Variants in MAGI2 observed in about 807,000 individuals in gnomAD.
MAGI2 encodes the protein membrane associated guanylate kinase, WW and PDZ domain containing 2.
MAGI2 carries 35 observed loss-of-function variants against 133.3 expected under a neutral mutation model. The ratio of observed to expected loss-of-function variants is 0.26; its 90% CI spans 0.20 to 0.35. MAGI2 has a LOEUF of 0.35. Ranked by LOEUF, MAGI2 falls within the 10% of genes least tolerant of loss-of-function variation. The pLI is 1.00. For missense variants in MAGI2, 1,636 were observed against 1,863.4 expected (o/e 0.88, Z 2.25); for synonymous variants, 729 against 710.6 (o/e 1.03, Z -0.41).
intron 1 of MAGI2, among the ~76,000 whole-genome samples, chr7:79,304,350 T>G (rs982016301): frequency 6.6e-6 from 1 of 151,250 alleles, no homozygotes; most frequent in Non-Finnish European, 1.5e-5. Context: ...CGGGATAGAG[T>G]ATTTGTATTA....
chr7:79,132,956 G>A (rs1040689690), intron 1 of MAGI2, among the ~76,000 whole-genome samples: 11 of 151,972 alleles, frequency 7.2e-5, no homozygotes, highest in African/African-American at 2.7e-4. Context: ...ATTCTTTTGC[G>A]AAATGTTCAT....
intron 1 of MAGI2, among the ~76,000 whole-genome samples, chr7:79,194,585 C>T (rs146703025): frequency 6.6e-6 from 1 of 151,912 alleles, no homozygotes; most frequent in Non-Finnish European, 1.5e-5. Flanking sequence ...TTCTTTACTA[C>T]ATTGAATCTA....
At chr7:79,225,092 A>T (rs746257114) in intron 1 of MAGI2, among the ~76,000 whole-genome samples, 1 of 152,118 alleles carries the variant, frequency 6.6e-6, no homozygotes, top group Non-Finnish European at 1.5e-5. Flanking sequence ...TAAGACCTCA[A>T]CCTTAAGTAT....
rs568125293 is a variant in MAGI2 at position 78,020,075 on chromosome 7, C to G, written c.3707-99G>C. On this transcript the variant is annotated intron_variant, in intron 21 of 21. Coordinates refer to ENST00000354212, the MANE Select transcript of MAGI2 (RefSeq NM_012301.4). Reference sequence around the variant, plus strand: ...GGGGCAGGCAGCTGGGGCGATTGCTCTCAGGGGCCGGAGCCACCGCCGCCC... The same window carrying G: ...GGGGCAGGCAGCTGGGGCGATTGCTGTCAGGGGCCGGAGCCACCGCCGCCC... The G allele has an allele frequency of 4.5e-6, 5 of 1,116,636 alleles. No individual in the cohort carries two copies. In the African/African-American group the frequency reaches 4.9e-5, roughly 11 times the overall value. The allele number at this position is 1,116,636 out of a possible 1,614,324, so 69.2% of individuals were successfully genotyped here.
chr7:78,990,564 G>C lies in MAGI2; in HGVS notation c.418+16526C>G, dbSNP rs113294198. On this transcript the variant is annotated intron_variant, in intron 2 of 21. Transcript: ENST00000354212. Reference sequence around the variant, plus strand: ...CTGGTTTCTAAAGCAACTTAAAATGGTTGCCTTTTCCCTGGAGGTTTTTCT... The same window carrying C: ...CTGGTTTCTAAAGCAACTTAAAATGCTTGCCTTTTCCCTGGAGGTTTTTCT... Among the ~76,000 whole-genome samples, 448 of 151,988 alleles carry C rather than the reference G, an allele frequency of 2.9e-3. 2 individuals carry two copies. Among genetic ancestry groups the C allele is most frequent in the African/African-American group, 0.01 (419 of 41,480 alleles).
intron 2 of MAGI2, among the ~76,000 whole-genome samples, chr7:78,632,820 T>C (rs919252616): frequency 2.0e-5 from 3 of 152,224 alleles, no homozygotes; most frequent in Non-Finnish European, 2.9e-5. Flanking sequence ...TCAGCCATTG[T>C]GGAAAGCAGT....
At chr7:78,240,433 C>G (rs1279982747) in intron 10 of MAGI2, among the ~76,000 whole-genome samples, 2 of 152,042 alleles carry the variant, frequency 1.3e-5, no homozygotes, top group African/African-American at 4.8e-5. Context: ...TGTGTTATAT[C>G]TATATAATGG....
intron 2 of MAGI2, among the ~76,000 whole-genome samples, chr7:78,659,126 A>G (rs1013619905): frequency 6.6e-6 from 1 of 152,118 alleles, no homozygotes; most frequent in Non-Finnish European, 1.5e-5. Context: ...TGAAATACTA[A>G]TTAGCAATGA....
At chr7:79,277,664 T>C (rs1835332917) in intron 1 of MAGI2, among the ~76,000 whole-genome samples, 1 of 152,160 alleles carries the variant, frequency 6.6e-6, no homozygotes, top group African/African-American at 2.4e-5. Flanking sequence ...CAAGAATGCA[T>C]TAACAGGCCC....
At chr7:78,583,874 T>C (rs1411566524) in intron 3 of MAGI2, among the ~76,000 whole-genome samples, 1 of 152,138 alleles carries the variant, frequency 6.6e-6, no homozygotes, top group East Asian at 1.9e-4. Flanking sequence ...GGTAATTGAG[T>C]CCTTATAATG....
chr7:79,110,029 C>T (rs1285787306), intron 1 of MAGI2, among the ~76,000 whole-genome samples: 2 of 152,194 alleles, frequency 1.3e-5, no homozygotes, highest in Admixed American at 1.3e-4. Context: ...GCTCCAGATA[C>T]AGCTTAGGCC....
intron 1 of MAGI2, among the ~76,000 whole-genome samples, chr7:79,329,348 A>C (rs1839908374): frequency 6.6e-6 from 1 of 152,264 alleles, no homozygotes; most frequent in South Asian, 2.1e-4. Flanking sequence ...ACATTGTAAC[A>C]CGTAATAATT....
At chr7:79,226,662 C>A (rs188502240) in intron 1 of MAGI2, among the ~76,000 whole-genome samples, 314 of 152,142 alleles carry the variant, frequency 2.1e-3, no homozygotes, top group African/African-American at 7.2e-3. Context: ...TCTCTTCCAC[C>A]CTTCCTTCCT....
At chr7:79,089,049 C>G (rs1816800994) in intron 1 of MAGI2, among the ~76,000 whole-genome samples, 1 of 152,030 alleles carries the variant, frequency 6.6e-6, no homozygotes, top group Non-Finnish European at 1.5e-5. Context: ...TCCAATCTAT[C>G]CATCTGACAG....
At chr7:78,142,857 C>A (rs926642430) in intron 16 of MAGI2, among the ~76,000 whole-genome samples, 1 of 152,142 alleles carries the variant, frequency 6.6e-6, no homozygotes, top group African/African-American at 2.4e-5. Context: ...AGATACACCT[C>A]TTTTCTTCCG....
At chr7:78,833,352 C>CTA (rs1791353729) in intron 2 of MAGI2, among the ~76,000 whole-genome samples, 1 of 152,154 alleles carries the variant, frequency 6.6e-6, no homozygotes, top group Non-Finnish European at 1.5e-5. Context: ...CCTGCCCTCA[C>CTA]TAAACTTAAT....
At chr7:78,985,795 TAAGTCATGGCAGAATA>T (rs1805203181) in intron 2 of MAGI2, among the ~76,000 whole-genome samples, 1 of 152,096 alleles carries the variant, frequency 6.6e-6, no homozygotes, top group African/African-American at 2.4e-5. Flanking sequence ...ATTCATCTTT[TAAGTCATGGCAGAATA>T]ATTAGGAGAG....
chr7:78,077,471 A>G (rs1815448854), intron 21 of MAGI2, among the ~76,000 whole-genome samples: 1 of 148,260 alleles, frequency 6.7e-6, no homozygotes, highest in African/African-American at 2.5e-5. Flanking sequence ...CTGGAATGAA[A>G]TGTTTCCTTG....
intron 13 of MAGI2, 85 bp downstream of exon 13, chr7:78,185,543 GA>G (rs1436622707): frequency 1.3e-5 from 14 of 1,080,434 alleles, no homozygotes; most frequent in African/African-American, 1.1e-4. Flanking sequence ...TATATACTAG[GA>G]AACTGATACT....
Sources: gnomAD v4.1 joint callset for allele counts (sites outside exome capture counted in the v4.1 genomes callset) on GRCh38, gnomAD v4.1.1 for gene constraint, MANE v1.5 for transcripts, NCBI Gene and HGNC (gene_info 2026-07-23, HGNC 2026-07-21) for gene names.